TMEM135: variants seen among roughly 807,000 people sequenced by gnomAD.
TMEM135 encodes peroxisomal membrane protein 52.
A neutral mutation model predicts 60.3 loss-of-function variants in TMEM135; 30 were observed. The ratio of observed to expected loss-of-function variants is 0.50; its 90% CI spans 0.37 to 0.68. The LOEUF (loss-of-function observed/expected upper bound fraction) is 0.68, where lower values mean the gene tolerates loss of function less well. Ranked by LOEUF, TMEM135 falls within the 30% of genes least tolerant of loss-of-function variation. The probability of loss-of-function intolerance (pLI) is 0.00; values close to 1 mark genes in which losing one functional copy is unlikely to be tolerated. For synonymous variants in TMEM135, 190 were observed against 186.7 expected (o/e 1.02, Z -0.14); for missense variants, 468 against 548.8 (o/e 0.85, Z 1.47).
intron 11 of TMEM135, 97 bp from the exon 12 acceptor site, chr11:87,314,374 A>G (rs1368210897): frequency 3.1e-6 from 3 of 978,020 alleles, no homozygotes; most frequent in South Asian, 2.7e-5. Flanking sequence ...AACAAGAGAT[A>G]GTGCTGATTC....
At chr11:87,043,742 C>CAAAA (rs201673373) in intron 1 of TMEM135, among the ~76,000 whole-genome samples, 1 of 149,664 alleles carries the variant, frequency 6.7e-6, no homozygotes, top group African/African-American at 2.5e-5. Flanking sequence ...AACAAACAAA[C>CAAAA]AAAAAAAACT....
intron 7 of TMEM135, 131 bp downstream of exon 7, chr11:87,295,954 C>T: frequency 1.3e-6 from 1 of 761,434 alleles, no homozygotes; most frequent in Non-Finnish European, 2.1e-6. Flanking sequence ...AAAAGTATTT[C>T]CAAGCCTGCG....
intron 5 of TMEM135, among the ~76,000 whole-genome samples, chr11:87,194,164 A>G (rs1372148007): frequency 6.6e-6 from 1 of 152,216 alleles, no homozygotes; most frequent in Non-Finnish European, 1.5e-5. Flanking sequence ...GGCTCCACAC[A>G]AAAGACAACA....
At chr11:87,261,102 G>A (rs1394883612) in intron 6 of TMEM135, among the ~76,000 whole-genome samples, 1 of 152,122 alleles carries the variant, frequency 6.6e-6, no homozygotes, top group Non-Finnish European at 1.5e-5. Context: ...CTCACAACAA[G>A]TAGAGTCAAG....
rs140636954 is a variant in TMEM135, at chr11:87,281,742, G to A, written c.510-14040G>A. Among the ~76,000 whole-genome samples, 422 of 152,260 alleles carry A rather than the reference G, an allele frequency of 2.8e-3. 1 individual carries two copies. Among genetic ancestry groups the A allele is most frequent in the Non-Finnish European group, 4.9e-3 (330 of 68,024 alleles). ...TGTTTTGGCTAAAGAAATATGAGTG[G>A]AAATGATTTATGTATACTTATGAGC... On this transcript the variant is annotated intron_variant, in intron 6 of 14. Transcript: ENST00000305494.
At chr11:87,088,176 C>T (rs532473312) in intron 3 of TMEM135, among the ~76,000 whole-genome samples, 4 of 152,124 alleles carry the variant, frequency 2.6e-5, no homozygotes, top group African/African-American at 4.8e-5. Flanking sequence ...ATTCTTTACT[C>T]ACCACAAGTT....
chr11:87,220,833 A>T (rs921903200), intron 5 of TMEM135, among the ~76,000 whole-genome samples: 3 of 152,202 alleles, frequency 2.0e-5, no homozygotes, highest in African/African-American at 7.2e-5. Flanking sequence ...CATGAAATCT[A>T]TGTCCAATAT....
At chr11:87,182,327 G>C (rs943036062) in intron 5 of TMEM135, among the ~76,000 whole-genome samples, 2 of 152,050 alleles carry the variant, frequency 1.3e-5, no homozygotes, top group Non-Finnish European at 1.5e-5. Flanking sequence ...ATGGTTTCTT[G>C]TCCATTGCCC....
intron 4 of TMEM135, among the ~76,000 whole-genome samples, chr11:87,123,146 A>G (rs925515191): frequency 2.6e-5 from 4 of 152,220 alleles, no homozygotes; most frequent in Admixed American, 2.6e-4. Context: ...AAAACTGTTT[A>G]TGTTAGTCTT....
At chr11:87,119,429 G>A (rs73535319) in intron 4 of TMEM135, among the ~76,000 whole-genome samples, 3,423 of 152,272 alleles carry the variant, frequency 0.022, 142 homozygotes, top group African/African-American at 0.079. Context: ...TAGGCCAGGC[G>A]CGATGGCTCA....
intron 4 of TMEM135, among the ~76,000 whole-genome samples, chr11:87,138,598 G>A (rs1201727519): frequency 6.6e-6 from 1 of 152,116 alleles, no homozygotes; most frequent in African/African-American, 2.4e-5. Flanking sequence ...TTTTTTGAGT[G>A]TTTATCAGGT....
chr11:87,124,988 A>G (rs1200665818), intron 4 of TMEM135, among the ~76,000 whole-genome samples: 1 of 152,298 alleles, frequency 6.6e-6, no homozygotes, highest in South Asian at 2.1e-4. Context: ...CTTCACAAAT[A>G]CTGAGTAATT....
chr11:87,309,412 G>T, intron 9 of TMEM135, 93 bp from the exon 10 acceptor site: 1 of 1,340,034 alleles, frequency 7.5e-7, no homozygotes, highest in South Asian at 1.2e-5. Context: ...AATTTGTTTT[G>T]TCTTGTTTCT....
chr11:87,237,290 T>A (rs1277307638), intron 6 of TMEM135, among the ~76,000 whole-genome samples: 1 of 151,966 alleles, frequency 6.6e-6, no homozygotes, highest in African/African-American at 2.4e-5. Flanking sequence ...TGCGAATGAT[T>A]TTTGATTAGG....
chr11:87,325,038 C>A lies in TMEM135; in HGVS notation c.*3705C>A, dbSNP rs576243460. 9.9e-5 allele frequency: 45 copies of A among 453,982 alleles called. No homozygotes were observed. The highest frequency in any genetic ancestry group is 1.6e-4 in the Non-Finnish European group (37 of 226,762). The allele number at this position is 453,982 out of a possible 1,614,324, so 28.1% of individuals were successfully genotyped here. ...GTTTACAATTGCCTCCAGCCCTTTA[C>A]TATTGGTGCTGAAGCCACCATTGGT... On this transcript the variant is annotated 3_prime_UTR_variant, in exon 15 of 15. Coordinates refer to ENST00000305494, the MANE Select transcript of TMEM135 (RefSeq NM_022918.4).
intron 1 of TMEM135, among the ~76,000 whole-genome samples, chr11:87,057,885 G>C (rs1263996734): frequency 6.6e-6 from 1 of 152,004 alleles, no homozygotes; most frequent in Non-Finnish European, 1.5e-5. Context: ...AAGATCTGCA[G>C]TTGGCATGCT....
intron 6 of TMEM135, among the ~76,000 whole-genome samples, chr11:87,261,223 C>A (rs907852961): frequency 6.6e-6 from 1 of 151,858 alleles, no homozygotes; most frequent in Non-Finnish European, 1.5e-5. Context: ...GGTCTCTTTC[C>A]CCTCCCTCTT....
intron 3 of TMEM135, among the ~76,000 whole-genome samples, chr11:87,073,676 T>A (rs1011090351): frequency 4.6e-5 from 7 of 152,208 alleles, no homozygotes; most frequent in East Asian, 1.9e-4. Context: ...TATTTTATTT[T>A]TTTTTTTTTG....
At chr11:87,245,810 G>T (rs1440648241) in intron 6 of TMEM135, among the ~76,000 whole-genome samples, 1 of 95,806 alleles carries the variant, frequency 1.0e-5, no homozygotes, top group Non-Finnish European at 2.4e-5. Flanking sequence ...TATCCAATTT[G>T]CCAGTCTGTG....
Sources: allele counts gnomAD v4.1 joint callset (sites outside exome capture counted in the v4.1 genomes callset), GRCh38; gene constraint gnomAD v4.1.1; transcripts MANE v1.5; gene names NCBI Gene and HGNC (gene_info 2026-07-23, HGNC 2026-07-21).